GALNT16: variants seen among roughly 807,000 people sequenced by gnomAD.
GALNT16 encodes UDP-GalNAc:polypeptide N-acetylgalactosaminyltransferase-like protein 1.
Under a neutral mutation model 76.1 loss-of-function variants are expected in GALNT16, and 40 were observed. The ratio of observed to expected loss-of-function variants is 0.53; its 90% CI spans 0.41 to 0.68. The LOEUF (loss-of-function observed/expected upper bound fraction) is 0.68, where lower values mean the gene tolerates loss of function less well. Ranked by LOEUF, GALNT16 falls within the 30% of genes least tolerant of loss-of-function variation. GALNT16 has a pLI of 0.00. For synonymous variants in GALNT16, 276 were observed against 285.2 expected (o/e 0.97, Z 0.32); for missense variants, 621 against 731.9 (o/e 0.85, Z 1.75).
chr14:69,283,439 G>A (rs2044569996), intron 1 of GALNT16, among the ~76,000 whole-genome samples: 1 of 152,198 alleles, frequency 6.6e-6, no homozygotes, highest in Non-Finnish European at 1.5e-5. Flanking sequence ...CACCCATGTT[G>A]TGGTTGCTAG....
In GALNT16 at chr14:69,347,998, A is replaced by T. The variant is rs918424603; in HGVS notation, c.1535A>T (p.Lys512Met). The change falls in exon 14 of 15, where the codon AAG becomes ATG. Residue 512 changes from lysine (K) to methionine (M), a missense_variant. Coordinates refer to ENST00000448469, the MANE Select transcript of GALNT16 (RefSeq NM_001168368.2). The stretch of plus-strand genomic sequence containing the variant: ...CAGATGTGCAACCCTAGAGAAGGCA[A>T]GCAGGTGAGTCTCCTTGCCTCTGGC... ...ILQMCNPREG[K>M]QKWRRKGSFI... 3.1e-6 allele frequency: 5 copies of T among 1,613,944 alleles called. No individual in the cohort carries two copies. Among genetic ancestry groups the T allele is most frequent in the Admixed American group, 1.7e-5 (1 of 60,012 alleles).
In GALNT16 at chr14:69,324,710, C is replaced by T; in HGVS notation, c.354C>T (p.Tyr118=). 1 of 1,611,092 alleles carries T rather than the reference C, an allele frequency of 6.2e-7. No individual in the cohort carries two copies. Among genetic ancestry groups the T allele is most frequent in the Non-Finnish European group, 8.5e-7 (1 of 1,177,980 alleles). The change falls in exon 3 of 15, where the codon TAC becomes TAT. Residue 118 remains tyrosine (Y), a synonymous_variant. Coordinates refer to ENST00000448469, the MANE Select transcript of GALNT16 (RefSeq NM_001168368.2). ...TTCTCAGCTGCCCATCTGTGTCCTACTCCTCGGACCTGCCAGCCACCAGCG... is the reference window on the plus strand; with the variant it reads ...TTCTCAGCTGCCCATCTGTGTCCTATTCCTCGGACCTGCCAGCCACCAGCG... ...TRHYSCPSVS[Y]SSDLPATSVI...
chr14:69,336,877 G>A (rs768331143), intron 9 of GALNT16, among the ~76,000 whole-genome samples: 2 of 151,686 alleles, frequency 1.3e-5, no homozygotes, highest in Non-Finnish European at 2.9e-5. Flanking sequence ...GGTGCATGCC[G>A]CCACACCCGG....
chr14:69,351,965 T>A (rs1210182704), intron 14 of GALNT16, 66 bp from the exon 15 acceptor site: 2 of 1,460,718 alleles, frequency 1.4e-6, no homozygotes, highest in African/African-American at 1.4e-5. Flanking sequence ...GGAATGAAAG[T>A]ACAACATTAT....
the GALNT16 span, among the ~76,000 whole-genome samples, chr14:69,377,674 G>A: frequency 6.6e-6 from 1 of 151,666 alleles, no homozygotes; most frequent in Non-Finnish European, 1.5e-5. Flanking sequence ...AGCTGGCCAT[G>A]GTGGTGTGCA....
At chr14:69,329,131 G>A (rs2045322467) in intron 6 of GALNT16, among the ~76,000 whole-genome samples, 1 of 152,206 alleles carries the variant, frequency 6.6e-6, no homozygotes. Flanking sequence ...GCCGGGGAGG[G>A]CAGATCACCT....
At position 69,325,923 on chromosome 14, in the gene GALNT16, C is replaced by T. The variant is rs776537358; in HGVS notation, c.503-39C>T. On this transcript the variant is annotated intron_variant, in intron 4 of 14. Transcript: ENST00000448469. ...GCCAAACCACTAGTGGCCTGATGCC[C>T]ATGTCTAAATGAGCTTGCCTTCCTC... 8 of 1,540,394 alleles carry T rather than the reference C, an allele frequency of 5.2e-6. No homozygotes were observed. In the South Asian group the frequency reaches 7.8e-5, roughly 15 times the overall value.
chr14:69,300,768 C>T (rs1413666611), intron 1 of GALNT16, among the ~76,000 whole-genome samples: 1 of 152,098 alleles, frequency 6.6e-6, no homozygotes, highest in Non-Finnish European at 1.5e-5. Context: ...AAGAGGACAT[C>T]CAACTCAGAA....
chr14:69,363,325 G>C, the GALNT16 span, among the ~76,000 whole-genome samples: 1 of 152,310 alleles, frequency 6.6e-6, no homozygotes, highest in Admixed American at 6.5e-5. Flanking sequence ...GAAAGCTGCT[G>C]TCGGAAGGCC....
intron 1 of GALNT16, among the ~76,000 whole-genome samples, chr14:69,311,225 A>G (rs2045015894): frequency 6.6e-6 from 1 of 152,164 alleles, no homozygotes; most frequent in South Asian, 2.1e-4. Context: ...CCAAGATGGT[A>G]CCTTGTTGCT....
At chr14:69,335,412 G>A (rs999516949) in intron 9 of GALNT16, among the ~76,000 whole-genome samples, 6 of 152,204 alleles carry the variant, frequency 3.9e-5, no homozygotes, top group African/African-American at 7.2e-5. Context: ...GACCCGCTTT[G>A]TGTCTTCAAT....
At chr14:69,272,864 T>C (rs1046887856) in intron 1 of GALNT16, among the ~76,000 whole-genome samples, 1 of 152,240 alleles carries the variant, frequency 6.6e-6, no homozygotes, top group Admixed American at 6.5e-5. Flanking sequence ...CTAGGAGCAA[T>C]AGGGTATCCC....
intron 1 of GALNT16, among the ~76,000 whole-genome samples, chr14:69,295,381 C>T (rs2044745155): frequency 7.0e-6 from 1 of 143,320 alleles, no homozygotes; most frequent in Non-Finnish European, 1.5e-5. Context: ...CGCCCCTGCA[C>T]TTCAGCCTGA....
At chr14:69,281,635 A>C (rs1436850701) in intron 1 of GALNT16, among the ~76,000 whole-genome samples, 1 of 152,128 alleles carries the variant, frequency 6.6e-6, no homozygotes, top group Non-Finnish European at 1.5e-5. Flanking sequence ...CTGTGTAGTC[A>C]TGACACCAGC....
chr14:69,339,367 A>G (rs1297119560), intron 10 of GALNT16, among the ~76,000 whole-genome samples, 160 bp from the exon 11 acceptor site: 1 of 152,202 alleles, frequency 6.6e-6, no homozygotes, highest in African/African-American at 2.4e-5. Context: ...GTATTGACAG[A>G]CTGTCTTCCA....
chr14:69,336,493 TC>T (rs1372747555), intron 9 of GALNT16, among the ~76,000 whole-genome samples: 1 of 152,120 alleles, frequency 6.6e-6, no homozygotes, highest in African/African-American at 2.4e-5. Context: ...GGAATGCTCT[TC>T]TCCTGCTAGC....
chr14:69,294,470 CA>C (rs2044728064), intron 1 of GALNT16, among the ~76,000 whole-genome samples: 1 of 151,994 alleles, frequency 6.6e-6, no homozygotes, highest in Admixed American at 6.6e-5. Context: ...ATTTACATAC[CA>C]AAAAAATTCA....
At chr14:69,332,890 T>C (rs186505595) in intron 7 of GALNT16, among the ~76,000 whole-genome samples, 195 bp from the exon 8 acceptor site, 4 of 152,014 alleles carry the variant, frequency 2.6e-5, no homozygotes, top group African/African-American at 9.6e-5. Flanking sequence ...TTTATTTATC[T>C]TTGTAGCTTC....
In GALNT16 at chr14:69,294,911, T is replaced by C. The variant is rs369956825; in HGVS notation, c.178-25800T>C. 3.2e-4 allele frequency among the ~76,000 whole-genome samples: 48 copies of C among 152,258 alleles called. No homozygotes were observed. In the South Asian group the frequency reaches 9.9e-3, roughly 32 times the overall value. ...ATGATATTTTTGAGGTTCACCCATGTTGTAGTTTATATTAGTAGTTTGTTC... is the reference window on the plus strand; with the variant it reads ...ATGATATTTTTGAGGTTCACCCATGCTGTAGTTTATATTAGTAGTTTGTTC... On this transcript the variant is annotated intron_variant, in intron 1 of 14. Transcript: ENST00000448469.
Sources: gnomAD v4.1 joint callset for allele counts (sites outside exome capture counted in the v4.1 genomes callset) on GRCh38, gnomAD v4.1.1 for gene constraint, MANE v1.5 for transcripts, NCBI Gene and HGNC (gene_info 2026-07-23, HGNC 2026-07-21) for gene names.